The following GRIK1 variants were observed in gnomAD, a reference collection of about 807,000 sequenced individuals.
GRIK1 encodes glutamate receptor ionotropic, kainate 1.
In GRIK1, 69 loss-of-function variants were observed where a neutral mutation model predicts 105.7. The observed-to-expected ratio is 0.65, with a 90% CI of 0.54 to 0.80. The LOEUF is 0.80. GRIK1 is among the 30% of genes least tolerant of loss of function. GRIK1 has a pLI of 0.00. For missense variants in GRIK1, 1,109 were observed against 1,167.3 expected (o/e 0.95, Z 0.73); for synonymous variants, 438 against 431.3 (o/e 1.02, Z -0.19).
At chr21:29,607,674 C>T (rs1295551518) in intron 7 of GRIK1, among the ~76,000 whole-genome samples, 1 of 152,094 alleles carries the variant, frequency 6.6e-6, no homozygotes, top group East Asian at 1.9e-4. Context: ...AATAGCATTA[C>T]ATATCTCTCC....
intron 4 of GRIK1, among the ~76,000 whole-genome samples, chr21:29,663,026 G>T (rs1358419579): frequency 6.6e-6 from 1 of 152,154 alleles, no homozygotes; most frequent in Non-Finnish European, 1.5e-5. Flanking sequence ...TGCTTGCTGA[G>T]TGCCACAACA....
At chr21:29,617,527 A>G (rs1226362167) in intron 7 of GRIK1, among the ~76,000 whole-genome samples, 2 of 152,194 alleles carry the variant, frequency 1.3e-5, no homozygotes, top group African/African-American at 2.4e-5. Flanking sequence ...GTCACCTCTA[A>G]CAGGACTTCC....
At chr21:29,908,171 A>T (rs1414500907) in intron 1 of GRIK1, among the ~76,000 whole-genome samples, 6 of 152,188 alleles carry the variant, frequency 3.9e-5, no homozygotes, top group Non-Finnish European at 2.9e-5. Flanking sequence ...AAAAAAGAGG[A>T]AAAACAGAAA....
intron 1 of GRIK1, among the ~76,000 whole-genome samples, chr21:29,862,888 C>T (rs2068690775): frequency 6.6e-6 from 1 of 152,154 alleles, no homozygotes; most frequent in African/African-American, 2.4e-5. Flanking sequence ...AAACTAATTA[C>T]CCAGCAGGTG....
At position 29,804,470 on chromosome 21, in the gene GRIK1, C is replaced by T. The variant is rs112704480; in HGVS notation, c.119-110407G>A. Among the ~76,000 whole-genome samples, 567 of 151,998 alleles carry T rather than the reference C, an allele frequency of 3.7e-3. 2 individuals are homozygous for T. Among genetic ancestry groups the T allele is most frequent in the African/African-American group, 0.012 (514 of 41,464 alleles). ...ATTAAAAAAAAAAATGAAGACAAAA[C>T]GCTAAACTTGCCTCACTAAGTGCAA... On this transcript the variant is annotated intron_variant, in intron 1 of 17. Transcript: ENST00000327783.
intron 4 of GRIK1, among the ~76,000 whole-genome samples, chr21:29,661,762 G>T (rs1237340037): frequency 6.6e-6 from 1 of 152,206 alleles, no homozygotes; most frequent in Non-Finnish European, 1.5e-5. Context: ...TAACTCCAGT[G>T]ATTGGTACAT....
At chr21:29,926,321 A>G (rs1602065068) in intron 1 of GRIK1, among the ~76,000 whole-genome samples, 3 of 152,310 alleles carry the variant, frequency 2.0e-5, no homozygotes, top group East Asian at 3.9e-4. Flanking sequence ...AAGAAACCAC[A>G]GTGATTAGTC....
chr21:29,642,775 A>G (rs769838160), intron 7 of GRIK1, 51 bp downstream of exon 7: 43 of 1,568,770 alleles, frequency 2.7e-5, no homozygotes, highest in Non-Finnish European at 3.6e-5. Context: ...CAAATGGGCA[A>G]GCCCAACAGT....
chr21:29,619,306 G>A lies in GRIK1; in HGVS notation c.1099-20369C>T, dbSNP rs1018726489. Among the ~76,000 whole-genome samples, 5 of 151,078 alleles carry A rather than the reference G, an allele frequency of 3.3e-5. No homozygotes were observed. In the South Asian group the frequency reaches 6.3e-4, roughly 19 times the overall value. ...AGAAAAATTAGCCGGGTCTGGCAGC[G>A]TGCACCTGTAGGCCCAGCTACTCAG... On this transcript the variant is annotated intron_variant, in intron 7 of 17. Transcript: ENST00000327783.
At chr21:29,802,224 T>C (rs2066731396) in intron 1 of GRIK1, among the ~76,000 whole-genome samples, 1 of 152,212 alleles carries the variant, frequency 6.6e-6, no homozygotes, top group Non-Finnish European at 1.5e-5. Flanking sequence ...TACATCTAAA[T>C]GTCAAGCCCT....
At chr21:29,721,454 G>T (rs1038937980) in intron 1 of GRIK1, among the ~76,000 whole-genome samples, 1 of 151,928 alleles carries the variant, frequency 6.6e-6, no homozygotes, top group Non-Finnish European at 1.5e-5. Flanking sequence ...GGGCTATAGC[G>T]GGGAGATCTG....
intron 1 of GRIK1, among the ~76,000 whole-genome samples, chr21:29,813,595 G>T (rs2067070522): frequency 6.6e-6 from 1 of 152,086 alleles, no homozygotes; most frequent in Non-Finnish European, 1.5e-5. Flanking sequence ...AGATAAACAT[G>T]AGTGTGTAGC....
chr21:29,576,946 A>C lies in GRIK1; in HGVS notation c.2130+18T>G, dbSNP rs773496856. 7.3e-7 allele frequency: 1 copy of C among 1,377,116 alleles called. No individual in the cohort carries two copies. 85.3% of individuals were successfully genotyped at this position (1,377,116 alleles called of 1,614,324 possible). ...CAAGTATCAGATAATCACTGAGAAC[A>C]CTTTGTCAGCTTCTTACCTTGAAGA... is the stretch of plus-strand genomic sequence containing the variant. On this transcript the variant is annotated intron_variant, in intron 14 of 17. Coordinates refer to ENST00000327783, the MANE Select transcript of GRIK1 (RefSeq NM_001330994.2).
intron 1 of GRIK1, among the ~76,000 whole-genome samples, chr21:29,766,623 T>C (rs969546253): frequency 6.6e-6 from 1 of 152,220 alleles, no homozygotes; most frequent in Non-Finnish European, 1.5e-5. Flanking sequence ...CACAGTAGCA[T>C]TGCTAGAGTA....
chr21:29,576,664 T>A (rs2090902093), intron 14 of GRIK1, among the ~76,000 whole-genome samples: 1 of 138,866 alleles, frequency 7.2e-6, no homozygotes, highest in Non-Finnish European at 1.6e-5. Flanking sequence ...TGTATTCAGA[T>A]TTTTTTTTTC....
At chr21:29,808,249 T>G (rs1223815362) in intron 1 of GRIK1, among the ~76,000 whole-genome samples, 2 of 152,120 alleles carry the variant, frequency 1.3e-5, no homozygotes, top group Non-Finnish European at 2.9e-5. Context: ...CTCCAACCCT[T>G]GCAGTTTTGG....
intron 1 of GRIK1, among the ~76,000 whole-genome samples, chr21:29,869,328 G>A (rs1337935214): frequency 6.6e-6 from 1 of 152,208 alleles, no homozygotes; most frequent in African/African-American, 2.4e-5. Flanking sequence ...TACATACCAG[G>A]TTAAGCCTAG....
chr21:29,788,013 A>G (rs2066306403), intron 1 of GRIK1, among the ~76,000 whole-genome samples: 1 of 152,214 alleles, frequency 6.6e-6, no homozygotes, highest in Non-Finnish European at 1.5e-5. Flanking sequence ...ACTTCTATTC[A>G]TTCATTTGTT....
chr21:29,682,211 G>A (rs1031871578), intron 3 of GRIK1, among the ~76,000 whole-genome samples: 1 of 152,162 alleles, frequency 6.6e-6, no homozygotes, highest in Non-Finnish European at 1.5e-5. Context: ...ACTAGCTAAA[G>A]CTTCTTCTAT....
Sources: allele counts gnomAD v4.1 joint callset (sites outside exome capture counted in the v4.1 genomes callset), GRCh38; gene constraint gnomAD v4.1.1; transcripts MANE v1.5; gene names NCBI Gene and HGNC (gene_info 2026-07-23, HGNC 2026-07-21).